The following PPP2R2B variants were observed in gnomAD, a reference collection of about 807,000 sequenced individuals.
PPP2R2B encodes the protein serine/threonine-protein phosphatase 2A 55 kDa regulatory subunit B beta isoform.
In PPP2R2B, 5 loss-of-function variants were observed where a neutral mutation model predicts 46.0. That is an observed-to-expected ratio of 0.11 (90% confidence interval 0.06 to 0.23). The LOEUF is 0.23. PPP2R2B is among the 10% of genes least tolerant of loss of function. The pLI is 1.00. For missense variants in PPP2R2B, 367 were observed against 575.0 expected, an observed-to-expected ratio of 0.64 and a Z score of 3.70; for synonymous variants, 215 against 206.7, an observed-to-expected ratio of 1.04 and a Z score of -0.34.
intron 2 of PPP2R2B, among the ~76,000 whole-genome samples, chr5:146,814,157 T>C (rs1757792562): frequency 6.9e-6 from 1 of 144,876 alleles, no homozygotes; most frequent in South Asian, 2.2e-4. Flanking sequence ...AAACACTCCC[T>C]CCCCAAATAA....
At chr5:146,707,151 C>T in intron 2 of PPP2R2B, 2 of 1,596,434 alleles carry the variant, frequency 1.3e-6, no homozygotes, top group South Asian at 2.2e-5. Flanking sequence ...TCTCCTGGCC[C>T]AGAGTCTCCA....
At chr5:146,740,981 G>A (rs929287775) in intron 2 of PPP2R2B, among the ~76,000 whole-genome samples, 9 of 150,174 alleles carry the variant, frequency 6.0e-5, no homozygotes, top group African/African-American at 2.0e-4. Flanking sequence ...AGGTGGCAGT[G>A]AGCTGAGATC....
intron 1 of PPP2R2B, among the ~76,000 whole-genome samples, chr5:146,918,896 A>C (rs1282382537): frequency 6.6e-6 from 1 of 152,208 alleles, no homozygotes; most frequent in African/African-American, 2.4e-5. Flanking sequence ...ACTTGAAATG[A>C]CTATTTAAAT....
intron 2 of PPP2R2B, among the ~76,000 whole-genome samples, chr5:146,858,506 T>C (rs570008099): frequency 8.3e-4 from 126 of 152,306 alleles, no homozygotes; most frequent in Admixed American, 1.6e-3. Flanking sequence ...ATTTAAGTAA[T>C]GAGCCCATCT....
intron 1 of PPP2R2B, among the ~76,000 whole-genome samples, chr5:147,049,658 G>C (rs2151901749): frequency 6.6e-6 from 1 of 152,268 alleles, no homozygotes; most frequent in South Asian, 2.1e-4. Flanking sequence ...AAGGGAGAGG[G>C]AAACAGAGAG....
chr5:146,700,725 C>T (rs1315544945), intron 3 of PPP2R2B, among the ~76,000 whole-genome samples: 1 of 152,140 alleles, frequency 6.6e-6, no homozygotes, highest in Admixed American at 6.5e-5. Context: ...TTCAATGGCT[C>T]TATGACAGAT....
intron 2 of PPP2R2B, among the ~76,000 whole-genome samples, chr5:146,873,991 G>T (rs1314244167): frequency 6.6e-6 from 1 of 152,046 alleles, no homozygotes; most frequent in Non-Finnish European, 1.5e-5. Context: ...TGTACCTATT[G>T]TCCCTTCTAC....
intron 3 of PPP2R2B, among the ~76,000 whole-genome samples, chr5:146,698,789 C>A (rs1779366879): frequency 1.3e-5 from 2 of 150,524 alleles, no homozygotes; most frequent in Admixed American, 1.3e-4. Flanking sequence ...ACAAAGCAGA[C>A]AGGAGCTCAG....
chr5:146,926,867 T>C (rs944325457), intron 1 of PPP2R2B, among the ~76,000 whole-genome samples: 1 of 152,184 alleles, frequency 6.6e-6, no homozygotes, highest in Non-Finnish European at 1.5e-5. Context: ...CAATATGCTG[T>C]CTCTGATCAC....
chr5:146,894,670 G>T (rs918512328), intron 1 of PPP2R2B, among the ~76,000 whole-genome samples: 3 of 152,084 alleles, frequency 2.0e-5, no homozygotes, highest in Admixed American at 2.0e-4. Flanking sequence ...AAACTCCAGG[G>T]CTCAAGTGAT....
At chr5:146,805,310 T>C (rs949043508) in intron 2 of PPP2R2B, among the ~76,000 whole-genome samples, 3 of 152,180 alleles carry the variant, frequency 2.0e-5, no homozygotes, top group Admixed American at 2.0e-4. Context: ...GATGGCATGC[T>C]GACTCAAGGA....
At chr5:146,807,773 CTTCTTTTTTTTTTTTTTT>C (rs1273305507) in intron 2 of PPP2R2B, among the ~76,000 whole-genome samples, 58 of 44,078 alleles carry the variant, frequency 1.3e-3, no homozygotes, top group African/African-American at 3.3e-3. Context: ...CCTGGGGTGC[CTTCTTTTTTTTTTTTTTT>C]TTTTTTTTTT....
intron 1 of PPP2R2B, among the ~76,000 whole-genome samples, chr5:146,963,168 A>G (rs1752251276): frequency 6.6e-6 from 1 of 151,926 alleles, no homozygotes; most frequent in African/African-American, 2.4e-5. Context: ...TCCTTATACA[A>G]CTCTCTGTGG....
intron 1 of PPP2R2B, among the ~76,000 whole-genome samples, chr5:146,970,729 G>A (rs779185571): frequency 3.9e-5 from 6 of 152,130 alleles, no homozygotes; most frequent in Non-Finnish European, 8.8e-5. Context: ...GGAACTTGCG[G>A]CTCATAAGAA....
intron 9 of PPP2R2B, among the ~76,000 whole-genome samples, chr5:146,590,867 C>A (rs1581657662): frequency 6.6e-6 from 1 of 152,034 alleles, no homozygotes; most frequent in South Asian, 2.1e-4. Context: ...TAAGGAAATT[C>A]AAATTTTAAA....
chr5:146,820,550 C>A (rs1758194374), intron 2 of PPP2R2B, among the ~76,000 whole-genome samples: 1 of 152,134 alleles, frequency 6.6e-6, no homozygotes, highest in South Asian at 2.1e-4. Flanking sequence ...GCAATGTGAT[C>A]ACAAAAGCAC....
intron 1 of PPP2R2B, among the ~76,000 whole-genome samples, chr5:147,008,435 C>A (rs762001280): frequency 2.0e-5 from 3 of 152,104 alleles, no homozygotes; most frequent in Admixed American, 6.6e-5. Context: ...ATTCATAAAT[C>A]TTCACCCTGG....
intron 7 of PPP2R2B, among the ~76,000 whole-genome samples, chr5:146,628,192 G>A (rs1031140610): frequency 5.9e-5 from 9 of 152,074 alleles, no homozygotes; most frequent in African/African-American, 1.9e-4. Context: ...TGATCTGCCC[G>A]CCTCAGCCTC....
chr5:147,019,286 C>A (rs1012627875), intron 1 of PPP2R2B, among the ~76,000 whole-genome samples: 1 of 152,094 alleles, frequency 6.6e-6, no homozygotes, highest in African/African-American at 2.4e-5. Flanking sequence ...TTTGAAGATA[C>A]AACTGTGATC....
Sources: allele counts gnomAD v4.1 joint callset (sites outside exome capture counted in the v4.1 genomes callset), GRCh38; gene constraint gnomAD v4.1.1; transcripts MANE v1.5; gene names NCBI Gene and HGNC (gene_info 2026-07-23, HGNC 2026-07-21).